IQSEC1: variants seen among roughly 807,000 people sequenced by gnomAD.
IQSEC1 encodes IQ motif and SEC7 domain-containing protein 1.
A neutral mutation model predicts 91.0 loss-of-function variants in IQSEC1; 31 were observed. That is an observed-to-expected ratio of 0.34 (90% CI 0.26 to 0.46). The LOEUF is 0.46. Among genes scored for constraint, IQSEC1 ranks in the 20% least tolerant of loss-of-function variants. The pLI, the probability that IQSEC1 is intolerant of heterozygous loss-of-function variation, is 1.00. For missense variants in IQSEC1, 1,388 were observed against 1,575.6 expected (o/e 0.88, Z 2.02); for synonymous variants, 699 against 662.6 (o/e 1.05, Z -0.84).
chr3:13,176,717 C>A (rs947206562), intron 1 of IQSEC1, among the ~76,000 whole-genome samples: 2 of 152,196 alleles, frequency 1.3e-5, no homozygotes, highest in Admixed American at 1.3e-4. Flanking sequence ...GACCGGAAAC[C>A]CAGGGCACCT....
chr3:12,942,722 G>A (rs1015412547), intron 1 of IQSEC1, among the ~76,000 whole-genome samples: 1 of 152,248 alleles, frequency 6.6e-6, no homozygotes, highest in Admixed American at 6.5e-5. Flanking sequence ...ACATTTGTGT[G>A]TTGAAGCCCT....
chr3:13,160,778 G>A (rs1707159321), intron 2 of IQSEC1, among the ~76,000 whole-genome samples: 2 of 152,236 alleles, frequency 1.3e-5, no homozygotes, highest in African/African-American at 4.8e-5. Flanking sequence ...AGGCCAAGAT[G>A]AATCCACTGC....
Position 13,008,419 on chromosome 3 carries a change from C to T in IQSEC1, c.23+64573G>A, listed in dbSNP as rs1487101748. 1.3e-5 allele frequency among the ~76,000 whole-genome samples: 2 copies of T among 152,168 alleles called. No homozygotes were observed. The highest frequency in any genetic ancestry group is 1.5e-5 in the Non-Finnish European group (1 of 68,040). ...TGCCATTAGTCTCCAAACCCTCTGT[C>T]CTTTGAGCCTGAATCCCCAGGGGGC... On this transcript the variant is annotated intron_variant, in intron 1 of 13. Coordinates refer to ENST00000613206, the MANE Select transcript of IQSEC1 (RefSeq NM_001134382.3). The surrounding 1 kb of genome is among the most constrained non-coding windows in gnomAD (Gnocchi z 4.1).
chr3:13,174,840 C>A (rs1046655166), intron 1 of IQSEC1, among the ~76,000 whole-genome samples: 25 of 151,780 alleles, frequency 1.6e-4, no homozygotes, highest in Admixed American at 1.2e-3. Context: ...TGCTCCCCCC[C>A]CCCACCTCCT....
At chr3:13,122,417 G>T (rs188725097) in intron 2 of IQSEC1, among the ~76,000 whole-genome samples, 1 of 152,202 alleles carries the variant, frequency 6.6e-6, no homozygotes, top group Non-Finnish European at 1.5e-5. Context: ...AGCACAAGAG[G>T]GGCATGGACG....
intron 3 of IQSEC1, among the ~76,000 whole-genome samples, chr3:12,926,351 G>T (rs995401006): frequency 1.3e-5 from 2 of 152,136 alleles, no homozygotes; most frequent in African/African-American, 4.8e-5. Flanking sequence ...TGGTGTGAGA[G>T]GGCTTTGAAG....
rs370262672 is a variant in IQSEC1, at chr3:12,922,586, G to A, written c.1731-344C>T. On this transcript the variant is annotated intron_variant, in intron 4 of 13. Coordinates refer to ENST00000613206, the MANE Select transcript of IQSEC1 (RefSeq NM_001134382.3). This position sits in a 1 kb window ranked among gnomAD's most constrained non-coding sequence, Gnocchi z 5.1. ...AGCCCTCACCAGGCACACAGTGGACGCCACTGTGAGTCTCCTCTCCTTCTG... is the reference window on the plus strand; with the variant it reads ...AGCCCTCACCAGGCACACAGTGGACACCACTGTGAGTCTCCTCTCCTTCTG... Among the ~76,000 whole-genome samples, 4 of 152,170 alleles carry A rather than the reference G, an allele frequency of 2.6e-5. No individual in the cohort carries two copies. Among genetic ancestry groups the A allele is most frequent in the East Asian group, 3.9e-4 (2 of 5,178 alleles).
chr3:13,171,221 G>A (rs542466535), intron 1 of IQSEC1, among the ~76,000 whole-genome samples: 87 of 152,312 alleles, frequency 5.7e-4, no homozygotes, highest in Non-Finnish European at 1.0e-3. Flanking sequence ...ACCATCTCAC[G>A]TGATACAGGG....
chr3:13,158,671 T>G (rs1707120927), intron 2 of IQSEC1, among the ~76,000 whole-genome samples: 1 of 152,154 alleles, frequency 6.6e-6, no homozygotes, highest in South Asian at 2.1e-4. Context: ...GACCACCTCA[T>G]GCAATATGCT....
At chr3:13,078,388 G>C (rs1158272277), upstream of IQSEC1, among the ~76,000 whole-genome samples, 1 of 152,148 alleles carries the variant, frequency 6.6e-6, no homozygotes, top group Non-Finnish European at 1.5e-5. Context: ...GAGATGCTGG[G>C]CCCCTGCGTG....
intron 1 of IQSEC1, among the ~76,000 whole-genome samples, chr3:13,170,955 C>A (rs574593120): frequency 4.3e-4 from 65 of 152,202 alleles, no homozygotes; most frequent in Middle Eastern, 3.4e-3. Context: ...AAAAAATTAG[C>A]CGGGCATGAT....
intron 2 of IQSEC1, among the ~76,000 whole-genome samples, chr3:13,140,677 G>A (rs985369353): frequency 1.3e-5 from 2 of 152,178 alleles, no homozygotes; most frequent in African/African-American, 4.8e-5. Flanking sequence ...GAGACCATGC[G>A]CGCCCCAGCA....
intron 1 of IQSEC1, among the ~76,000 whole-genome samples, chr3:12,942,458 C>T (rs1698840533): frequency 6.6e-6 from 1 of 152,080 alleles, no homozygotes; most frequent in African/African-American, 2.4e-5. Context: ...AAAAAATTAG[C>T]CGGGCGTGGT....
Position 12,899,363 on chromosome 3 carries a change from C to G in IQSEC1, c.*1620G>C, listed in dbSNP as rs373575240. 6.2e-7 allele frequency: 1 copy of G among 1,610,616 alleles called. No individual in the cohort carries two copies. Among genetic ancestry groups the G allele is most frequent in the Non-Finnish European group, 8.5e-7 (1 of 1,179,110 alleles). Reference sequence around the variant, plus strand: ...AAAGGGCCTCCGCCTGGGCAGGCGCCGGGGGGCAGTCCTCGGGTCCCATGG... The same window carrying G: ...AAAGGGCCTCCGCCTGGGCAGGCGCGGGGGGGCAGTCCTCGGGTCCCATGG... On this transcript the variant is annotated 3_prime_UTR_variant, in exon 14 of 14. Transcript: ENST00000613206.
chr3:13,031,742 C>T (rs1576192019), intron 1 of IQSEC1, among the ~76,000 whole-genome samples: 1 of 151,906 alleles, frequency 6.6e-6, no homozygotes, highest in African/African-American at 2.4e-5. Flanking sequence ...ACGGTGAGGG[C>T]GACAAAGAAA....
At chr3:13,174,488 GC>G (rs1693679809) in intron 1 of IQSEC1, among the ~76,000 whole-genome samples, 1 of 152,080 alleles carries the variant, frequency 6.6e-6, no homozygotes, top group Non-Finnish European at 1.5e-5. Context: ...CTCAGCGGGG[GC>G]TCCTCCACCC....
intron 1 of IQSEC1, among the ~76,000 whole-genome samples, chr3:13,258,946 G>A (rs2125127044): frequency 6.6e-6 from 1 of 152,234 alleles, no homozygotes; most frequent in Middle Eastern, 3.4e-3. Flanking sequence ...CCCCAAGTCT[G>A]GGCTCTGCCA....
chr3:13,246,944 A>G (rs544496334), intron 1 of IQSEC1, among the ~76,000 whole-genome samples: 16 of 152,276 alleles, frequency 1.1e-4, no homozygotes, highest in Admixed American at 9.2e-4. Context: ...AGAGCTGACC[A>G]GCAAATCCTG....
intron 1 of IQSEC1, among the ~76,000 whole-genome samples, chr3:13,264,578 C>T (rs1319353454): frequency 3.9e-5 from 6 of 152,098 alleles, no homozygotes; most frequent in Non-Finnish European, 5.9e-5. Context: ...CCACATGGCA[C>T]CCCTGGGGGA....
Sources: allele counts gnomAD v4.1 joint callset (sites outside exome capture counted in the v4.1 genomes callset), GRCh38; gene constraint gnomAD v4.1.1; non-coding constraint Gnocchi (gnomAD v3.1); transcripts MANE v1.5; gene names NCBI Gene and HGNC (gene_info 2026-07-23, HGNC 2026-07-21).